STXBP5L: variants seen among roughly 807,000 people sequenced by gnomAD.
STXBP5L encodes the protein syntaxin binding protein 5L, also known as syntaxin-binding protein 5-like.
Under a neutral mutation model 144.5 loss-of-function variants are expected in STXBP5L, and 65 were observed. That is an observed-to-expected ratio of 0.45 (90% CI 0.37 to 0.55). The LOEUF is 0.55. STXBP5L is among the 20% of genes least tolerant of loss of function. The pLI is 0.00. For synonymous variants in STXBP5L, 505 were observed against 469.6 expected (o/e 1.08, Z -0.97); for missense variants, 1,298 against 1,405.5 (o/e 0.92, Z 1.22).
intron 22 of STXBP5L, among the ~76,000 whole-genome samples, chr3:121,389,724 A>C (rs1389001223): frequency 6.6e-6 from 1 of 152,130 alleles, no homozygotes; most frequent in Non-Finnish European, 1.5e-5. Flanking sequence ...CTGAGTTCAA[A>C]TTTGAATTGC....
At chr3:121,203,408 A>G (rs1442842484) in intron 9 of STXBP5L, among the ~76,000 whole-genome samples, 2 of 152,184 alleles carry the variant, frequency 1.3e-5, no homozygotes, top group Admixed American at 6.6e-5. Flanking sequence ...ATTTCATTAT[A>G]GTACTTCATA....
rs930813164 is a variant in STXBP5L at position 121,422,115 on chromosome 3, C to T, written c.*3018C>T. ...CTTAGCACGCACGCACACACACACA[C>T]ACCATCGCCACCACTACCATCATCA... On this transcript the variant is annotated 3_prime_UTR_variant, in exon 27 of 27. Coordinates refer to ENST00000471454, the MANE Select transcript of STXBP5L (RefSeq NM_001308330.2). The T allele has an allele frequency of 1.3e-5, 2 of 152,350 alleles. No homozygotes were observed. The highest frequency in any genetic ancestry group is 2.9e-5 in the Non-Finnish European group (2 of 68,104). 9.4% of individuals were successfully genotyped at this position (152,350 alleles called of 1,614,324 possible).
At chr3:121,385,237 G>C (rs369629642) in intron 22 of STXBP5L, among the ~76,000 whole-genome samples, 2 of 152,128 alleles carry the variant, frequency 1.3e-5, no homozygotes, top group Non-Finnish European at 2.9e-5. Flanking sequence ...GAATCATGGT[G>C]CTGACATTTG....
At chr3:121,346,242 G>C (rs996780765) in intron 20 of STXBP5L, among the ~76,000 whole-genome samples, 6 of 151,794 alleles carry the variant, frequency 4.0e-5, no homozygotes, top group Non-Finnish European at 5.9e-5. Context: ...TGAGAATGAT[G>C]GTTTCCAGCT....
At chr3:121,353,398 G>A (rs2045379316) in intron 20 of STXBP5L, among the ~76,000 whole-genome samples, 1 of 151,968 alleles carries the variant, frequency 6.6e-6, no homozygotes, top group Admixed American at 6.6e-5. Flanking sequence ...ACTTTTTCCT[G>A]GTTTAGTCTT....
intron 5 of STXBP5L, among the ~76,000 whole-genome samples, chr3:121,106,368 T>C (rs2043706706): frequency 6.6e-6 from 1 of 152,168 alleles, no homozygotes; most frequent in South Asian, 2.1e-4. Context: ...TATTGAGCCC[T>C]ACATGCATTA....
At position 120,950,610 on chromosome 3, in the gene STXBP5L, G is replaced by T. The variant is rs184997456; in HGVS notation, c.190-4330G>T. Reference sequence around the variant, plus strand: ...GTAGGTTAGTTACATATGTATACATGAGACATGCTGGTGCGCTGCACCCAC... The same window carrying T: ...GTAGGTTAGTTACATATGTATACATTAGACATGCTGGTGCGCTGCACCCAC... On this transcript the variant is annotated intron_variant, in intron 2 of 26. Transcript: ENST00000471454. 8.5e-4 allele frequency among the ~76,000 whole-genome samples: 130 copies of T among 152,186 alleles called. 1 individual carries two copies. The highest frequency in any genetic ancestry group is 2.4e-3 in the Admixed American group (36 of 15,246).
chr3:121,116,029 T>C (rs2044217441), intron 6 of STXBP5L, among the ~76,000 whole-genome samples: 1 of 152,138 alleles, frequency 6.6e-6, no homozygotes, highest in African/African-American at 2.4e-5. Context: ...ACCTTGAACA[T>C]TTAGGGATTA....
At chr3:121,393,156 A>C (rs1402411914) in intron 22 of STXBP5L, among the ~76,000 whole-genome samples, 1 of 149,592 alleles carries the variant, frequency 6.7e-6, no homozygotes, top group African/African-American at 2.4e-5. Context: ...TTATGGTTTT[A>C]ATTTTCATTT....
chr3:121,205,407 C>A (rs1277028584), intron 9 of STXBP5L, among the ~76,000 whole-genome samples: 3 of 152,194 alleles, frequency 2.0e-5, no homozygotes, highest in African/African-American at 4.8e-5. Context: ...CCCACTCTCA[C>A]AATAACTGTA....
At chr3:121,095,914 A>T (rs1560127395) in intron 5 of STXBP5L, among the ~76,000 whole-genome samples, 1 of 151,746 alleles carries the variant, frequency 6.6e-6, no homozygotes, top group African/African-American at 2.4e-5. Flanking sequence ...CATCTTTGTG[A>T]TTTTATCTAC....
At chr3:121,265,748 T>C (rs889393627) in intron 18 of STXBP5L, among the ~76,000 whole-genome samples, 53 of 151,674 alleles carry the variant, frequency 3.5e-4, no homozygotes, top group African/African-American at 1.2e-3. Context: ...GAAGAAAAGA[T>C]AGAAGAATCA....
intron 19 of STXBP5L, among the ~76,000 whole-genome samples, chr3:121,299,832 A>G (rs2051814766): frequency 6.6e-6 from 1 of 151,976 alleles, no homozygotes; most frequent in Admixed American, 6.6e-5. Flanking sequence ...ACCAAAAACT[A>G]CAAAAAGTTA....
At chr3:121,095,169 C>T (rs540315336) in intron 5 of STXBP5L, among the ~76,000 whole-genome samples, 3 of 152,300 alleles carry the variant, frequency 2.0e-5, no homozygotes, top group African/African-American at 7.2e-5. Flanking sequence ...GTTAGTCTGA[C>T]GAGCTTCCCT....
rs142100946 is a variant in STXBP5L, at chr3:121,390,088, T to C, written c.2587+8556T>C. Among the ~76,000 whole-genome samples, 38 of 152,366 alleles carry C rather than the reference T, an allele frequency of 2.5e-4. No individual in the cohort carries two copies. The East Asian group carries it at 6.9e-3, about 28-fold the overall frequency. On this transcript the variant is annotated intron_variant, in intron 22 of 26. Coordinates refer to ENST00000471454, the MANE Select transcript of STXBP5L (RefSeq NM_001308330.2). ...GGTGCTCCCATATTGGGTTCATATA[T>C]ATTTAGGAAAGTTAGCTCTTCTTGT...
intron 7 of STXBP5L, among the ~76,000 whole-genome samples, chr3:121,148,907 T>C (rs1172504337): frequency 6.6e-6 from 1 of 152,108 alleles, no homozygotes; most frequent in Non-Finnish European, 1.5e-5. Flanking sequence ...ATTTTAATAA[T>C]GAAATTAAAT....
At chr3:121,397,522 G>C (rs755214580) in intron 22 of STXBP5L, among the ~76,000 whole-genome samples, 7 of 152,154 alleles carry the variant, frequency 4.6e-5, no homozygotes, top group African/African-American at 7.2e-5. Context: ...TAAAGGTATA[G>C]GTTCTGGACG....
At chr3:121,010,675 A>G (rs2108129271) in intron 3 of STXBP5L, among the ~76,000 whole-genome samples, 1 of 152,074 alleles carries the variant, frequency 6.6e-6, no homozygotes, top group Admixed American at 6.6e-5. Flanking sequence ...TACTAATAAC[A>G]TAAACAGTCA....
At chr3:121,095,529 A>C (rs1162261434) in intron 5 of STXBP5L, among the ~76,000 whole-genome samples, 1 of 151,850 alleles carries the variant, frequency 6.6e-6, no homozygotes, top group Non-Finnish European at 1.5e-5. Flanking sequence ...GCTTCATTTC[A>C]TTCATTTGGT....
Sources: gnomAD v4.1 joint callset for allele counts (sites outside exome capture counted in the v4.1 genomes callset) on GRCh38, gnomAD v4.1.1 for gene constraint, MANE v1.5 for transcripts, NCBI Gene and HGNC (gene_info 2026-07-23, HGNC 2026-07-21) for gene names.